Variants in PCDHGB2 observed in about 807,000 individuals in gnomAD.
PCDHGB2 encodes protocadherin gamma subfamily B, 2, also known as protocadherin gamma-B2.
A neutral mutation model predicts 59.3 loss-of-function variants in PCDHGB2; 55 were observed. The ratio of observed to expected loss-of-function variants is 0.93; its 90% CI spans 0.75 to 1.16. PCDHGB2 has a LOEUF of 1.16. Among genes scored for constraint, PCDHGB2 ranks in the 50% most tolerant of loss-of-function variants. PCDHGB2 has a pLI of 0.00. For missense variants in PCDHGB2, 1,228 were observed against 1,198.5 expected (o/e 1.02, Z -0.36); for synonymous variants, 516 against 512.0 (o/e 1.01, Z -0.11).
intron 1 of PCDHGB2, chr5:141,402,899 G>A: frequency 6.6e-7 from 1 of 1,516,814 alleles, no homozygotes; most frequent in Non-Finnish European, 8.8e-7. Context: ...GAAAGAACCT[G>A]ATGAAGCAGC....
At chr5:141,365,090 A>G (rs774588043) in intron 1 of PCDHGB2, 1 of 1,613,830 alleles carries the variant, frequency 6.2e-7, no homozygotes, top group East Asian at 2.2e-5. Flanking sequence ...TGTTCCAGAG[A>G]ACATACCTGT....
intron 2 of PCDHGB2, among the ~76,000 whole-genome samples, chr5:141,495,662 C>G (rs545912968): frequency 6.6e-6 from 1 of 152,138 alleles, no homozygotes; most frequent in Admixed American, 6.6e-5. Flanking sequence ...TGATCTGTGC[C>G]GCCCACTGTG....
At position 141,512,574 on chromosome 5, in the gene PCDHGB2, C is replaced by T. The variant is rs1429371202; in HGVS notation, c.*1401C>T. 6.5e-6 allele frequency: 1 copy of T among 152,884 alleles called. No homozygotes were observed. Among genetic ancestry groups the T allele is most frequent in the Non-Finnish European group, 1.5e-5 (1 of 68,502 alleles). The allele number at this position is 152,884 out of a possible 1,614,324, so 9.5% of individuals were successfully genotyped here. On this transcript the variant is annotated 3_prime_UTR_variant, in exon 4 of 4. Coordinates refer to ENST00000522605, the MANE Select transcript of PCDHGB2 (RefSeq NM_018923.3). ...GTGCATAGACCTTCTTCTCCCACCCCCTTCTGCCCCTGGGTCCCCGGCCAT... is the reference window on the plus strand; with the variant it reads ...GTGCATAGACCTTCTTCTCCCACCCTCTTCTGCCCCTGGGTCCCCGGCCAT...
intron 1 of PCDHGB2, chr5:141,423,222 G>A (rs760308436): frequency 1.2e-6 from 2 of 1,613,688 alleles, no homozygotes; most frequent in Non-Finnish European, 1.7e-6. Context: ...CCGTGGCTGT[G>A]GCCGACAGCA....
At chr5:141,510,862 C>T (rs764422869) in intron 3 of PCDHGB2, 85 bp from the exon 4 acceptor site, 22 of 1,606,772 alleles carry the variant, frequency 1.4e-5, no homozygotes, top group Non-Finnish European at 1.7e-5. Flanking sequence ...GCTGTATAGG[C>T]ATTCATTAAC....
chr5:141,477,031 A>G lies in PCDHGB2; in HGVS notation c.2422-17776A>G. 2 of 1,614,248 alleles carry G rather than the reference A, an allele frequency of 1.2e-6. No homozygotes were observed. The highest frequency in any genetic ancestry group is 2.2e-5 in the East Asian group (1 of 44,880). On this transcript the variant is annotated intron_variant, in intron 1 of 3. Transcript: ENST00000522605. This position sits in a 1 kb window ranked among gnomAD's most constrained non-coding sequence, Gnocchi z 4.9. ...TAGACCTTGTAACCGGGATGCTGAC[A>G]ATCAAGGGTCGGCTGGACTTCGAGG...
intron 1 of PCDHGB2, chr5:141,375,643 C>T (rs1443985601): frequency 1.9e-6 from 3 of 1,614,092 alleles, no homozygotes; most frequent in Admixed American, 3.3e-5. Flanking sequence ...TGCGCTCCTT[C>T]GACTATGAGC....
intron 1 of PCDHGB2, chr5:141,389,608 T>C (rs1458951980): frequency 1.9e-6 from 3 of 1,613,138 alleles, no homozygotes; most frequent in East Asian, 2.2e-5. Context: ...CTCTTCGATA[T>C]GGTGCCGCAC....
intron 1 of PCDHGB2, chr5:141,398,388 C>G: frequency 6.9e-7 from 1 of 1,454,974 alleles, no homozygotes; most frequent in African/African-American, 1.4e-5. Flanking sequence ...TGCTTGTGAG[C>G]AGCAGGCTAG....
At chr5:141,448,223 T>C (rs1377619033) in intron 1 of PCDHGB2, among the ~76,000 whole-genome samples, 1 of 152,204 alleles carries the variant, frequency 6.6e-6, no homozygotes, top group Non-Finnish European at 1.5e-5. Context: ...TGCGAATGTA[T>C]GTGTGGGGTT....
chr5:141,376,032 G>T (rs751769680), intron 1 of PCDHGB2: 3 of 1,613,116 alleles, frequency 1.9e-6, no homozygotes, highest in East Asian at 4.5e-5. Context: ...CAGGACCACG[G>T]CCAGCCCCCT....
At position 141,511,519 on chromosome 5, in the gene PCDHGB2, C is replaced by A; in HGVS notation, c.*346C>A. On this transcript the variant is annotated 3_prime_UTR_variant, in exon 4 of 4. Transcript: ENST00000522605. ...CCAAATCAATCAGGCCCATCCATCC[C>A]ATGCCTCCCTCCTCCCCACCCCACT... 2.7e-6 allele frequency: 1 copy of A among 367,516 alleles called. No individual in the cohort carries two copies. The highest frequency in any genetic ancestry group is 2.7e-5 in the South Asian group (1 of 36,848). 22.8% of individuals were successfully genotyped at this position (367,516 alleles called of 1,614,324 possible). A position where few individuals can be genotyped will look rare whatever the true frequency, so the allele number is the denominator to read the frequency against.
At chr5:141,388,464 A>G (rs750047903) in intron 1 of PCDHGB2, 2 of 1,613,850 alleles carry the variant, frequency 1.2e-6, no homozygotes, top group South Asian at 2.2e-5. Flanking sequence ...ATACCCTGAG[A>G]TGGTATTGAA....
intron 1 of PCDHGB2, chr5:141,374,306 TTC>T (rs1561562207): frequency 6.2e-7 from 1 of 1,613,958 alleles, no homozygotes. Context: ...GATGCAGCTT[TTC>T]TCTCTGAATC....
rs767003818 is a variant in PCDHGB2, at chr5:141,361,414, G to A, written c.1279G>A (p.Gly427Arg). ...EYNLTITATD[G>R]GKPPLSSSII... ...CAATCTCACCATCACAGCCACCGAC[G>A]GGGGCAAGCCGCCCCTCTCCTCCAG... is the stretch of plus-strand genomic sequence containing the variant. The change falls in exon 1 of 4, where the codon GGG becomes AGG. Residue 427 changes from glycine to arginine, a missense_variant. This residue lies in a region of PCDHGB2 where 781 missense variants were observed against 721.6 expected (regional missense o/e 1.08). Coordinates refer to ENST00000522605, the MANE Select transcript of PCDHGB2 (RefSeq NM_018923.3). The A allele has an allele frequency of 2.4e-5, 38 of 1,613,876 alleles. No individual in the cohort carries two copies. Among genetic ancestry groups the A allele is most frequent in the Admixed American group, 1.0e-4 (6 of 60,004 alleles).
At chr5:141,443,662 C>A (rs1427397469) in intron 1 of PCDHGB2, among the ~76,000 whole-genome samples, 2 of 152,178 alleles carry the variant, frequency 1.3e-5, no homozygotes, top group African/African-American at 4.8e-5. Context: ...TAGCATTTTA[C>A]TGAACTAGTA....
At chr5:141,428,021 C>A (rs1185050109) in intron 1 of PCDHGB2, 2 of 1,605,604 alleles carry the variant, frequency 1.2e-6, no homozygotes, top group Non-Finnish European at 1.7e-6. Flanking sequence ...TGCCACGCGC[C>A]GCAGAGTCCG....
intron 1 of PCDHGB2, chr5:141,395,116 T>C (rs1255512461): frequency 1.9e-6 from 3 of 1,614,216 alleles, no homozygotes; most frequent in Admixed American, 3.3e-5. Context: ...AAGAGTCACC[T>C]GATCTTTCCC....
rs527630741 is a variant in PCDHGB2, at chr5:141,493,568, G to A, written c.2422-1239G>A. ...TTGGAGATTGAGTTCCCCCAGCTCC[G>A]TTTCCTCCTATCACAATCACTGCAT... is the stretch of plus-strand genomic sequence containing the variant. On this transcript the variant is annotated intron_variant, in intron 1 of 3. Coordinates refer to ENST00000522605, the MANE Select transcript of PCDHGB2 (RefSeq NM_018923.3). This position sits in a 1 kb window ranked among gnomAD's most constrained non-coding sequence, Gnocchi z 4.3. 3.9e-5 allele frequency among the ~76,000 whole-genome samples: 6 copies of A among 152,250 alleles called. No homozygotes were observed. Among genetic ancestry groups the A allele is most frequent in the African/African-American group, 9.6e-5 (4 of 41,550 alleles).
Sources: gnomAD v4.1 joint callset for allele counts (sites outside exome capture counted in the v4.1 genomes callset) on GRCh38, gnomAD v4.1.1 for gene constraint, gnomAD v4.1.1 regional missense constraint, Gnocchi (gnomAD v3.1) non-coding constraint, MANE v1.5 for transcripts, NCBI Gene and HGNC (gene_info 2026-07-23, HGNC 2026-07-21) for gene names.